Variants in ROBO2 observed in about 807,000 individuals in gnomAD.
ROBO2 encodes the protein roundabout guidance receptor 2, also known as roundabout homolog 2.
A neutral mutation model predicts 160.8 loss-of-function variants in ROBO2; 53 were observed. The observed-to-expected ratio is 0.33, with a 90% CI of 0.26 to 0.41. The LOEUF (loss-of-function observed/expected upper bound fraction) is 0.41, where lower values mean the gene tolerates loss of function less well. Ranked by LOEUF, ROBO2 falls within the 10% of genes least tolerant of loss-of-function variation. The pLI, the probability that ROBO2 is intolerant of heterozygous loss-of-function variation, is 1.00. For synonymous variants in ROBO2, 664 were observed against 611.7 expected, an observed-to-expected ratio of 1.09 and a Z score of -1.26; for missense variants, 1,577 against 1,722.4, an observed-to-expected ratio of 0.92 and a Z score of 1.49.
intron 2 of ROBO2, among the ~76,000 whole-genome samples, chr3:76,886,294 A>G (rs1019554995): frequency 2.0e-5 from 3 of 151,866 alleles, no homozygotes; most frequent in Non-Finnish European, 2.9e-5. Flanking sequence ...TGGATTGCAG[A>G]TAACTTCATT....
chr3:77,090,435 G>A (rs1240743053), intron 1 of ROBO2, among the ~76,000 whole-genome samples: 3 of 136,038 alleles, frequency 2.2e-5, no homozygotes, highest in Non-Finnish European at 3.1e-5. Context: ...CTCATTGCAA[G>A]CTCCGTCTCC....
At chr3:75,911,803 G>A (rs1366638380) in intron 1 of ROBO2, among the ~76,000 whole-genome samples, 4 of 151,742 alleles carry the variant, frequency 2.6e-5, no homozygotes, top group Non-Finnish European at 4.4e-5. Flanking sequence ...TGATCCGCCC[G>A]TCTCGGCCTC....
intron 13 of ROBO2, among the ~76,000 whole-genome samples, chr3:77,569,561 T>C (rs1469127322): frequency 6.6e-6 from 1 of 152,040 alleles, no homozygotes; most frequent in African/African-American, 2.4e-5. Context: ...ATTTTGTTTG[T>C]CTTCTTATTA....
intron 2 of ROBO2, among the ~76,000 whole-genome samples, chr3:77,169,036 A>G (rs1476907474): frequency 6.6e-6 from 1 of 152,204 alleles, no homozygotes; most frequent in East Asian, 1.9e-4. Flanking sequence ...AGACTTAAGC[A>G]CAAAGTAAGG....
At chr3:76,653,022 A>G (rs2091322452) in intron 2 of ROBO2, among the ~76,000 whole-genome samples, 1 of 152,066 alleles carries the variant, frequency 6.6e-6, no homozygotes, top group African/African-American at 2.4e-5. Flanking sequence ...GAGAGAGTTA[A>G]TTTCATTATT....
chr3:76,724,141 T>G (rs2093509691), intron 2 of ROBO2, among the ~76,000 whole-genome samples: 1 of 152,170 alleles, frequency 6.6e-6, no homozygotes, highest in Admixed American at 6.6e-5. Flanking sequence ...TAATTATACT[T>G]TCAGCTTTTG....
At chr3:76,827,250 C>T (rs532655990) in intron 2 of ROBO2, among the ~76,000 whole-genome samples, 26 of 152,276 alleles carry the variant, frequency 1.7e-4, no homozygotes, top group African/African-American at 5.5e-4. Context: ...ACATAATTAA[C>T]TGAGTTCAGG....
chr3:76,114,317 A>C (rs2070368641), intron 2 of ROBO2, among the ~76,000 whole-genome samples: 1 of 152,114 alleles, frequency 6.6e-6, no homozygotes, highest in Non-Finnish European at 1.5e-5. Context: ...TCATGAAATT[A>C]ATTTCTTGGG....
intron 2 of ROBO2, among the ~76,000 whole-genome samples, chr3:76,675,079 A>G (rs2092373962): frequency 6.6e-6 from 1 of 152,202 alleles, no homozygotes; most frequent in Non-Finnish European, 1.5e-5. Flanking sequence ...GCCCATAGCC[A>G]TAGACTATTC....
At chr3:76,910,745 GAAA>G (rs1217583722) in intron 2 of ROBO2, among the ~76,000 whole-genome samples, 3 of 56,508 alleles carry the variant, frequency 5.3e-5, no homozygotes, top group African/African-American at 2.4e-4. Flanking sequence ...AAAAAAAAAA[GAAA>G]AAAAAAGAAA....
chr3:76,770,685 C>T (rs1366349089), intron 2 of ROBO2, among the ~76,000 whole-genome samples: 2 of 150,920 alleles, frequency 1.3e-5, no homozygotes, highest in Non-Finnish European at 3.0e-5. Flanking sequence ...AAAAATTGAA[C>T]TTAAAAACAT....
intron 2 of ROBO2, among the ~76,000 whole-genome samples, chr3:76,009,560 A>G (rs1170824680): frequency 6.6e-6 from 1 of 152,208 alleles, no homozygotes; most frequent in Non-Finnish European, 1.5e-5. Flanking sequence ...TATTTGTAGA[A>G]TATCAAGAGA....
At chr3:76,008,476 A>G (rs1424075484) in intron 2 of ROBO2, among the ~76,000 whole-genome samples, 1 of 152,172 alleles carries the variant, frequency 6.6e-6, no homozygotes, top group Non-Finnish European at 1.5e-5. Context: ...TACCACATTT[A>G]AAATGAAAAA....
At chr3:76,918,330 C>A (rs1229036029) in intron 2 of ROBO2, among the ~76,000 whole-genome samples, 1 of 152,140 alleles carries the variant, frequency 6.6e-6, no homozygotes, top group East Asian at 1.9e-4. Flanking sequence ...ATTCTCTCTC[C>A]TGTGACCCTG....
At chr3:77,415,107 T>C (rs2077105607) in intron 2 of ROBO2, among the ~76,000 whole-genome samples, 1 of 152,170 alleles carries the variant, frequency 6.6e-6, no homozygotes, top group Non-Finnish European at 1.5e-5. Flanking sequence ...AGGACATATG[T>C]TTGCCATTAC....
chr3:76,080,324 G>A (rs1339907344), intron 2 of ROBO2, among the ~76,000 whole-genome samples: 1 of 152,184 alleles, frequency 6.6e-6, no homozygotes, highest in Non-Finnish European at 1.5e-5. Context: ...GTGAGACCAT[G>A]AAGACATTTA....
rs143397055 is a variant in ROBO2 at position 77,079,482 on chromosome 3, T to G, written c.62-18532T>G. 2.5e-3 allele frequency among the ~76,000 whole-genome samples: 379 copies of G among 152,276 alleles called. 2 individuals are homozygous for G. The highest frequency in any genetic ancestry group is 8.5e-3 in the African/African-American group (353 of 41,550). On this transcript the variant is annotated intron_variant, in intron 1 of 25. Coordinates refer to ENST00000461745, the Ensembl canonical transcript of ROBO2. ...TGGCTACATTGAATAAGTGAATATT[T>G]CTATTTGATGGTGACTTCGAATTTG... is the stretch of plus-strand genomic sequence containing the variant.
chr3:77,171,308 G>A (rs573089466), intron 2 of ROBO2, among the ~76,000 whole-genome samples: 6 of 152,266 alleles, frequency 3.9e-5, no homozygotes, highest in African/African-American at 1.4e-4. Context: ...CTGCATAACA[G>A]GGCCAAGGCA....
intron 2 of ROBO2, among the ~76,000 whole-genome samples, chr3:77,112,069 C>A (rs2073660334): frequency 6.6e-6 from 1 of 151,438 alleles, no homozygotes; most frequent in African/African-American, 2.4e-5. Context: ...AATAGTTAGC[C>A]GGGTGTAGCG....
Sources: allele counts gnomAD v4.1 joint callset (sites outside exome capture counted in the v4.1 genomes callset), GRCh38; gene constraint gnomAD v4.1.1; transcripts MANE v1.5; gene names NCBI Gene and HGNC (gene_info 2026-07-23, HGNC 2026-07-21).